Variants in BBC3 observed in about 807,000 individuals in gnomAD.
BBC3 encodes the protein BCL2 binding component 3, also known as bcl-2-binding component 3.
In BBC3, 5 loss-of-function variants were observed where a neutral mutation model predicts 18.2. The observed-to-expected ratio is 0.27, with a 90% CI of 0.14 to 0.58. BBC3 has a LOEUF of 0.58. Ranked by LOEUF, BBC3 falls within the 20% of genes least tolerant of loss-of-function variation. The probability of loss-of-function intolerance (pLI) is 0.91; values close to 1 mark genes in which losing one functional copy is unlikely to be tolerated. For synonymous variants in BBC3, 119 were observed against 128.0 expected, an observed-to-expected ratio of 0.93 and a Z score of 0.47; for missense variants, 224 against 268.9, an observed-to-expected ratio of 0.83 and a Z score of 1.17.
rs1272610325 is a variant in BBC3, at chr19:47,230,463, G to C, written c.-16+466C>G. ...CCAGGCGAGCGCGGGGCCAATAACC[G>C]GCTGTTGCTGGGGCGCAGCCCCCGC... On this transcript the variant is annotated intron_variant, in intron 1 of 3. Coordinates refer to ENST00000439096, the MANE Select transcript of BBC3 (RefSeq NM_014417.5). The surrounding 1 kb of genome is among the most constrained non-coding windows in gnomAD (Gnocchi z 6.7). Among the ~76,000 whole-genome samples, 1 of 150,550 alleles carries C rather than the reference G, an allele frequency of 6.6e-6. No individual in the cohort carries two copies. The highest frequency in any genetic ancestry group is 6.6e-5 in the Admixed American group (1 of 15,136).
intron 3 of BBC3, chr19:47,222,257 C>T (rs918791831): frequency 1.4e-5 from 3 of 216,748 alleles, no homozygotes; most frequent in Non-Finnish European, 2.7e-5. Context: ...CCCCTCCCTA[C>T]AGGGCTGGCA....
At chr19:47,232,683 G>T, upstream of BBC3, 2 of 1,329,538 alleles carry the variant, frequency 1.5e-6, no homozygotes, top group Non-Finnish European at 2.1e-6. Flanking sequence ...GGTGAGTTTT[G>T]TCCTTCCTTT....
Position 47,230,664 on chromosome 19 carries a change from G to A in BBC3, c.-16+265C>T. ...CCCGGGGCCGCACTGGCCGCCAGGG[G>A]GCGCTGCCGAGCCCGCACCCCATTG... On this transcript the variant is annotated intron_variant, in intron 1 of 3. Coordinates refer to ENST00000439096, the MANE Select transcript of BBC3 (RefSeq NM_014417.5). The surrounding 1 kb of genome is among the most constrained non-coding windows in gnomAD (Gnocchi z 6.7). 1.1e-6 allele frequency: 1 copy of A among 938,550 alleles called. No homozygotes were observed. Among genetic ancestry groups the A allele is most frequent in the South Asian group, 4.9e-5 (1 of 20,348 alleles). The allele number at this position is 938,550 out of a possible 1,614,324, so 58.1% of individuals were successfully genotyped here. A position where few individuals can be genotyped will look rare whatever the true frequency, so the allele number is the denominator to read the frequency against.
chr19:47,224,163 C>T (rs1015984843), intron 3 of BBC3, among the ~76,000 whole-genome samples: 5 of 152,040 alleles, frequency 3.3e-5, no homozygotes, highest in African/African-American at 1.2e-4. Context: ...GGCATGGTGG[C>T]AGGCATCTGT....
chr19:47,232,270 G>C (rs2058921930), upstream of BBC3, among the ~76,000 whole-genome samples: 1 of 152,240 alleles, frequency 6.6e-6, no homozygotes, highest in Non-Finnish European at 1.5e-5. Flanking sequence ...AGAACTGCTT[G>C]AACCCGGGAG....
At chr19:47,229,801 C>A (rs1403711162) in intron 1 of BBC3, among the ~76,000 whole-genome samples, 1 of 151,924 alleles carries the variant, frequency 6.6e-6, no homozygotes, top group Non-Finnish European at 1.5e-5. Context: ...TGAAACAACC[C>A]CCCACCACAC....
At chr19:47,231,237 C>CG (rs1600255093), upstream of BBC3, 1 of 947,062 alleles carries the variant, frequency 1.1e-6, no homozygotes, top group Non-Finnish European at 1.3e-6. This position sits in a 1 kb window ranked among gnomAD's most constrained non-coding sequence, Gnocchi z 4.0. Context: ...TCCAAAGCCG[C>CG]CCCGCCCCGC....
At chr19:47,225,239 G>A (rs2058799533) in intron 3 of BBC3, among the ~76,000 whole-genome samples, 4 of 151,706 alleles carry the variant, frequency 2.6e-5, no homozygotes, top group Admixed American at 2.6e-4. Flanking sequence ...GTAGAGACGA[G>A]GTTTCACCAT....
chr19:47,230,662 G>T lies in BBC3; in HGVS notation c.-16+267C>A. ...TCCCCGGGGCCGCACTGGCCGCCAG[G>T]GGGCGCTGCCGAGCCCGCACCCCAT... On this transcript the variant is annotated intron_variant, in intron 1 of 3. Coordinates refer to ENST00000439096, the MANE Select transcript of BBC3 (RefSeq NM_014417.5). This position sits in a 1 kb window ranked among gnomAD's most constrained non-coding sequence, Gnocchi z 6.7. 3.2e-6 allele frequency: 3 copies of T among 936,278 alleles called. No individual in the cohort carries two copies. Among genetic ancestry groups the T allele is most frequent in the South Asian group, 9.8e-5 (2 of 20,340 alleles). 58.0% of individuals were successfully genotyped at this position (936,278 alleles called of 1,614,324 possible). A position where few individuals can be genotyped will look rare whatever the true frequency, so the allele number is the denominator to read the frequency against.
At chr19:47,225,459 G>A (rs2058803374) in intron 3 of BBC3, among the ~76,000 whole-genome samples, 1 of 148,886 alleles carries the variant, frequency 6.7e-6, no homozygotes. Context: ...TTGGCTCAAG[G>A]GACCCTTTCA....
Position 47,228,483 on chromosome 19 carries a change from A to G in BBC3, c.-15-37T>C, listed in dbSNP as rs772252162. Reference sequence around the variant, plus strand: ...GGGAGGAGGAGCAGGTCAGCAGGGAAGTACCAGGGCCCACTGTACCTCCAG... The same window carrying G: ...GGGAGGAGGAGCAGGTCAGCAGGGAGGTACCAGGGCCCACTGTACCTCCAG... On this transcript the variant is annotated intron_variant, in intron 1 of 3. Coordinates refer to ENST00000439096, the MANE Select transcript of BBC3 (RefSeq NM_014417.5). This position sits in a 1 kb window ranked among gnomAD's most constrained non-coding sequence, Gnocchi z 5.5. 19 of 1,229,726 alleles carry G rather than the reference A, an allele frequency of 1.5e-5. No homozygotes were observed. The highest frequency in any genetic ancestry group is 1.7e-5 in the Non-Finnish European group (17 of 986,302). 76.2% of individuals were successfully genotyped at this position (1,229,726 alleles called of 1,614,324 possible).
In BBC3 at chr19:47,221,758, C is replaced by T; in HGVS notation, c.*44G>A. On this transcript the variant is annotated 3_prime_UTR_variant, in exon 4 of 4. Transcript: ENST00000439096. ...CCAGGGTGTCAGGAGGTGGGAGGGGCCTGCCCCCCGAGTCCCTGACGTCCA... is the reference window on the plus strand; with the variant it reads ...CCAGGGTGTCAGGAGGTGGGAGGGGTCTGCCCCCCGAGTCCCTGACGTCCA... The T allele has an allele frequency of 6.2e-7, 1 of 1,605,858 alleles. No homozygotes were observed.
At chr19:47,232,704 G>T (rs1404496185), upstream of BBC3, 21 of 1,061,546 alleles carry the variant, frequency 2.0e-5, no homozygotes. Context: ...TTCCAAAGCC[G>T]TGGATTCCTG....
chr19:47,227,357 C>T (rs868010055), intron 2 of BBC3, among the ~76,000 whole-genome samples: 2 of 151,562 alleles, frequency 1.3e-5, no homozygotes, highest in African/African-American at 2.4e-5. Context: ...GGCTCCTGCC[C>T]TCCCGTCCCA....
At chr19:47,227,624 G>A (rs546276258) in intron 2 of BBC3, among the ~76,000 whole-genome samples, 14 of 152,242 alleles carry the variant, frequency 9.2e-5, no homozygotes, top group African/African-American at 3.4e-4. Flanking sequence ...ATCAGGCAGG[G>A]GACCTTTAAC....
rs977775769 is a variant in BBC3, at chr19:47,221,502, G to A, written c.*300C>T. On this transcript the variant is annotated 3_prime_UTR_variant, in exon 4 of 4. Transcript: ENST00000439096. ...AGCCTTTCCTGAGATGGTGGTGGGC[G>A]GCAGAGGCGGGCGGCTCAGTCCCCA... 3 of 499,978 alleles carry A rather than the reference G, an allele frequency of 6.0e-6. No individual in the cohort carries two copies. The highest frequency in any genetic ancestry group is 3.8e-5 in the East Asian group (1 of 26,374). The allele number at this position is 499,978 out of a possible 1,614,324, so 31.0% of individuals were successfully genotyped here.
In BBC3 at chr19:47,228,098, G is replaced by A. The variant is rs2058859637; in HGVS notation, c.274+60C>T. On this transcript the variant is annotated intron_variant, in intron 2 of 3. Transcript: ENST00000439096. This position sits in a 1 kb window ranked among gnomAD's most constrained non-coding sequence, Gnocchi z 5.5. The stretch of plus-strand genomic sequence containing the variant: ...CCTCTCCCACTTCTCCAGTTCCTCC[G>A]AGTCTCCAGCCCTCTCTCTTCCCGG... The A allele has an allele frequency of 6.7e-6, 8 of 1,187,896 alleles. No homozygotes were observed. The Admixed American group carries it at 1.7e-4, about 25-fold the overall frequency. The allele number at this position is 1,187,896 out of a possible 1,614,324, so 73.6% of individuals were successfully genotyped here.
chr19:47,225,854 C>G (rs534877657), intron 3 of BBC3, among the ~76,000 whole-genome samples: 1 of 152,094 alleles, frequency 6.6e-6, no homozygotes, highest in Admixed American at 6.6e-5. Context: ...GAGGCCAACT[C>G]GAGAGATTTC....
rs1222285710 is a variant in BBC3, at chr19:47,230,559, G to T, written c.-16+370C>A. ...CCGCCCCCAGCGGGCGCGCGCCCTG[G>T]GTGTGGCCGCCCCTCCGTGCCGCCC... is the stretch of plus-strand genomic sequence containing the variant. On this transcript the variant is annotated intron_variant, in intron 1 of 3. Transcript: ENST00000439096. The surrounding 1 kb of genome is among the most constrained non-coding windows in gnomAD (Gnocchi z 6.7). Among the ~76,000 whole-genome samples the T allele has an allele frequency of 6.6e-6, 1 of 151,046 alleles. No individual in the cohort carries two copies. The highest frequency in any genetic ancestry group is 1.5e-5 in the Non-Finnish European group (1 of 67,662).
Sources: gnomAD v4.1 joint callset for allele counts (sites outside exome capture counted in the v4.1 genomes callset) on GRCh38, gnomAD v4.1.1 for gene constraint, Gnocchi (gnomAD v3.1) non-coding constraint, MANE v1.5 for transcripts, NCBI Gene and HGNC (gene_info 2026-07-23, HGNC 2026-07-21) for gene names.